The following CASZ1 variants were observed in gnomAD, a reference collection of about 807,000 sequenced individuals.
CASZ1 encodes zinc finger protein castor homolog 1.
Under a neutral mutation model 135.2 loss-of-function variants are expected in CASZ1, and 28 were observed. The observed-to-expected ratio is 0.21, with a 90% CI of 0.15 to 0.28. The LOEUF (loss-of-function observed/expected upper bound fraction) is 0.28. Ranked by LOEUF, CASZ1 falls within the 10% of genes least tolerant of loss-of-function variation. CASZ1 has a pLI of 1.00. For synonymous variants in CASZ1, 1,068 were observed against 1,073.4 expected, an observed-to-expected ratio of 0.99 and a Z score of 0.10; for missense variants, 2,161 against 2,453.3, an observed-to-expected ratio of 0.88 and a Z score of 2.52.
rs1641016809 is a variant in CASZ1 at position 10,794,147 on chromosome 1, G to A, written c.-234+2417C>T. Among the ~76,000 whole-genome samples, 1 of 150,988 alleles carries A rather than the reference G, an allele frequency of 6.6e-6. No homozygotes were observed. Among genetic ancestry groups the A allele is most frequent in the South Asian group, 2.1e-4 (1 of 4,790 alleles). ...TTAGGACGGCGACGTGTGTGTGTGC[G>A]CGTGTGTGTGCGTGTTTGTATGTGT... On this transcript the variant is annotated intron_variant, in intron 1 of 20. Transcript: ENST00000377022. The surrounding 1 kb of genome is among the most constrained non-coding windows in gnomAD (Gnocchi z 5.6).
At chr1:10,655,360 A>G (rs1464587845) in intron 9 of CASZ1, among the ~76,000 whole-genome samples, 1 of 152,260 alleles carries the variant, frequency 6.6e-6, no homozygotes, top group Non-Finnish European at 1.5e-5. Context: ...CTTGGTGTTA[A>G]AGCCTGAAAA....
At position 10,734,178 on chromosome 1, in the gene CASZ1, C is replaced by G. The variant is rs549319355; in HGVS notation, c.-77+26523G>C. Among the ~76,000 whole-genome samples, 147 of 152,128 alleles carry G rather than the reference C, an allele frequency of 9.7e-4. 3 individuals are homozygous for G. In the South Asian group the frequency reaches 0.015, roughly 15 times the overall value. On this transcript the variant is annotated intron_variant, in intron 2 of 20. Coordinates refer to ENST00000377022, the MANE Select transcript of CASZ1 (RefSeq NM_001079843.3). ...GACAGGCAGAGGTGGCAGCCGCCCC[C>G]CTTCCTGAGCCTGTGGAGTACTGAG...
chr1:10,662,053 A>G (rs973775238), intron 5 of CASZ1, among the ~76,000 whole-genome samples: 5 of 141,518 alleles, frequency 3.5e-5, no homozygotes, highest in Admixed American at 6.9e-5. Flanking sequence ...CATTCTCACA[A>G]TCACCTATAA....
At position 10,638,253 on chromosome 1, in the gene CASZ1, C is replaced by A. The variant is rs570852916; in HGVS notation, c.*689G>T. ...CACCACCAGGGTGGCCGAGACCCCG[C>A]CCCGGCCCCCAGCGGGCTACTCTGG... On this transcript the variant is annotated 3_prime_UTR_variant, in exon 21 of 21. Transcript: ENST00000377022. This position sits in a 1 kb window ranked among gnomAD's most constrained non-coding sequence, Gnocchi z 5.9. The A allele has an allele frequency of 6.6e-6, 1 of 152,382 alleles. No homozygotes were observed. Among genetic ancestry groups the A allele is most frequent in the Non-Finnish European group, 1.5e-5 (1 of 68,050 alleles). The allele number at this position is 152,382 out of a possible 1,614,324, so 9.4% of individuals were successfully genotyped here.
rs538786386 is a variant in CASZ1, at chr1:10,691,619, C to T, written c.16+2255G>A. 7.4e-4 allele frequency among the ~76,000 whole-genome samples: 113 copies of T among 152,318 alleles called. 1 individual carries two copies. The highest frequency in any genetic ancestry group is 2.6e-3 in the African/African-American group (106 of 41,568). On this transcript the variant is annotated intron_variant, in intron 4 of 20. Coordinates refer to ENST00000377022, the MANE Select transcript of CASZ1 (RefSeq NM_001079843.3). ...GAAGGGACCCTCACTTCACCAGCCA[C>T]GAGCCCCGGCCAGAGACGAGGCCCA... is the stretch of plus-strand genomic sequence containing the variant.
Position 10,757,179 on chromosome 1 carries a change from C to T in CASZ1, c.-77+3522G>A, listed in dbSNP as rs1021661392. On this transcript the variant is annotated intron_variant, in intron 2 of 20. Transcript: ENST00000377022. This position sits in a 1 kb window ranked among gnomAD's most constrained non-coding sequence, Gnocchi z 4.6. Reference sequence around the variant, plus strand: ...GGCACTTCTCCCCTAATGCATGAGACGTTAACCCTCTCAAAGCCATGGGTC... The same window carrying T: ...GGCACTTCTCCCCTAATGCATGAGATGTTAACCCTCTCAAAGCCATGGGTC... Among the ~76,000 whole-genome samples the T allele has an allele frequency of 6.6e-6, 1 of 152,188 alleles. No homozygotes were observed. The highest frequency in any genetic ancestry group is 2.4e-5 in the African/African-American group (1 of 41,440).
At chr1:10,714,805 C>A (rs577623959) in intron 2 of CASZ1, among the ~76,000 whole-genome samples, 1 of 152,198 alleles carries the variant, frequency 6.6e-6, no homozygotes, top group African/African-American at 2.4e-5. Flanking sequence ...CTCCAGGCCT[C>A]GGCCTTTCTG....
In CASZ1 at chr1:10,724,686, CT is replaced by C. The variant is rs1045023454; in HGVS notation, c.-76-19143del. 3.3e-5 allele frequency among the ~76,000 whole-genome samples: 5 copies of C among 152,192 alleles called. No homozygotes were observed. Among genetic ancestry groups the C allele is most frequent in the African/African-American group, 1.2e-4 (5 of 41,448 alleles). ...CCTAGCACGAGCTCCAAGGTTGCCCCTGGTCTTCGCTCAGAGGGGCACCCCA... is the reference window on the plus strand; with the variant it reads ...CCTAGCACGAGCTCCAAGGTTGCCCCGGTCTTCGCTCAGAGGGGCACCCCA... On this transcript the variant is annotated intron_variant, in intron 2 of 20. Coordinates refer to ENST00000377022, the MANE Select transcript of CASZ1 (RefSeq NM_001079843.3). The surrounding 1 kb of genome is among the most constrained non-coding windows in gnomAD (Gnocchi z 4.1).
chr1:10,656,823 C>A lies in CASZ1; in HGVS notation c.1410-87G>T, dbSNP rs143303227. 4.7e-6 allele frequency: 4 copies of A among 855,142 alleles called. No homozygotes were observed. The East Asian group carries it at 1.1e-4, about 23-fold the overall frequency. The allele number at this position is 855,142 out of a possible 1,614,324, so 53.0% of individuals were successfully genotyped here. On this transcript the variant is annotated intron_variant, in intron 7 of 20. Transcript: ENST00000377022. Reference sequence around the variant, plus strand: ...AGCCCCAGCCCCAGGGAGGACTCTTCGGGCCCTGTATGGGATGCAGAGGGG... The same window carrying A: ...AGCCCCAGCCCCAGGGAGGACTCTTAGGGCCCTGTATGGGATGCAGAGGGG...
At chr1:10,714,203 G>C (rs1639336317) in intron 2 of CASZ1, among the ~76,000 whole-genome samples, 1 of 152,176 alleles carries the variant, frequency 6.6e-6, no homozygotes, top group African/African-American at 2.4e-5. Flanking sequence ...CGCTACTGAG[G>C]AGGCTGAGGC....
chr1:10,687,531 C>T (rs1638633007), intron 4 of CASZ1, among the ~76,000 whole-genome samples: 1 of 152,234 alleles, frequency 6.6e-6, no homozygotes, highest in African/African-American at 2.4e-5. Flanking sequence ...CCTGGCTGGC[C>T]CTCAGTATGG....
intron 12 of CASZ1, 58 bp from the exon 13 acceptor site, chr1:10,650,813 C>A: frequency 1.2e-6 from 2 of 1,601,256 alleles, no homozygotes; most frequent in Non-Finnish European, 1.7e-6. Flanking sequence ...GGCCCTGGGG[C>A]TCACCTTCCC....
At chr1:10,729,629 A>C (rs1002890707) in intron 2 of CASZ1, among the ~76,000 whole-genome samples, 1 of 152,168 alleles carries the variant, frequency 6.6e-6, no homozygotes, top group Admixed American at 6.5e-5. Context: ...GAGGCCATAA[A>C]GTCCCCATAG....
Position 10,676,706 on chromosome 1 carries a change from A to T in CASZ1, c.17-11135T>A, listed in dbSNP as rs1252373877. 6.6e-6 allele frequency among the ~76,000 whole-genome samples: 1 copy of T among 152,190 alleles called. No homozygotes were observed. The highest frequency in any genetic ancestry group is 1.5e-5 in the Non-Finnish European group (1 of 68,032). The stretch of plus-strand genomic sequence containing the variant: ...AACGAGCCCCTGGCCCGGGGCGAGC[A>T]GCCCCACAGTTTCCTGACGTGGACG... On this transcript the variant is annotated intron_variant, in intron 4 of 20. Coordinates refer to ENST00000377022, the MANE Select transcript of CASZ1 (RefSeq NM_001079843.3). The surrounding 1 kb of genome is among the most constrained non-coding windows in gnomAD (Gnocchi z 4.5).
intron 2 of CASZ1, among the ~76,000 whole-genome samples, chr1:10,730,285 C>T (rs369361531): frequency 4.6e-5 from 7 of 151,812 alleles, no homozygotes; most frequent in East Asian, 3.9e-4. Context: ...CTGCCCGCCT[C>T]GGCCTCCCAA....
At chr1:10,751,800 C>T (rs1640156546) in intron 2 of CASZ1, among the ~76,000 whole-genome samples, 1 of 152,174 alleles carries the variant, frequency 6.6e-6, no homozygotes, top group Non-Finnish European at 1.5e-5. Flanking sequence ...GCAGAGGAGG[C>T]CTCCCAGGGC....
chr1:10,781,507 G>T (rs1056407188), intron 1 of CASZ1, among the ~76,000 whole-genome samples: 1 of 152,230 alleles, frequency 6.6e-6, no homozygotes, highest in African/African-American at 2.4e-5. Flanking sequence ...TCAGCCCTGG[G>T]CATTGCAAGC....
chr1:10,645,256 C>T lies in CASZ1; in HGVS notation c.3697-168G>A, dbSNP rs138666602. On this transcript the variant is annotated intron_variant, in intron 17 of 20. Transcript: ENST00000377022. ...TGTTAAAAAGCAGCGCAGGGCCGGG[C>T]GCGGTGGCTCACGCCTATAATCCCA... 8.7e-3 allele frequency among the ~76,000 whole-genome samples: 1,321 copies of T among 152,292 alleles called. 18 individuals are homozygous for T. The highest frequency in any genetic ancestry group is 0.03 in the African/African-American group (1,255 of 41,562).
chr1:10,687,710 C>A (rs1178570959), intron 4 of CASZ1, among the ~76,000 whole-genome samples: 1 of 152,176 alleles, frequency 6.6e-6, no homozygotes, highest in Non-Finnish European at 1.5e-5. Flanking sequence ...TGGAGAAGGG[C>A]CCAGATCACC....
Sources: gnomAD v4.1 joint callset for allele counts (sites outside exome capture counted in the v4.1 genomes callset) on GRCh38, gnomAD v4.1.1 for gene constraint, Gnocchi (gnomAD v3.1) non-coding constraint, MANE v1.5 for transcripts, NCBI Gene and HGNC (gene_info 2026-07-23, HGNC 2026-07-21) for gene names.